GTF3A: variants seen among roughly 807,000 people sequenced by gnomAD.
GTF3A encodes the protein transcription factor IIIA.
In GTF3A, 40 loss-of-function variants were observed where a neutral mutation model predicts 37.6. The observed-to-expected ratio is 1.06, with a 90% CI of 0.83 to 1.38. GTF3A has a LOEUF of 1.38. GTF3A is among the 40% of genes most tolerant of loss of function. The pLI, the probability that GTF3A is intolerant of heterozygous loss-of-function variation, is 0.00. For missense variants in GTF3A, 500 were observed against 462.6 expected (o/e 1.08, Z -0.74); for synonymous variants, 191 against 166.7 (o/e 1.15, Z -1.12).
chr13:27,432,831 C>G lies in GTF3A; in HGVS notation c.562+27C>G, dbSNP rs749768325. 5 of 1,568,488 alleles carry G rather than the reference C, an allele frequency of 3.2e-6. No individual in the cohort carries two copies. The South Asian group carries it at 5.8e-5, about 18-fold the overall frequency. ...TGTGTACGGATAGCCTGGGTGTGCT[C>G]CGAGGGGGATGCCAAATCCTGGGCG... is the stretch of plus-strand genomic sequence containing the variant. On this transcript the variant is annotated intron_variant, in intron 5 of 8. Coordinates refer to ENST00000381140, the MANE Select transcript of GTF3A (RefSeq NM_002097.3).
intron 2 of GTF3A, among the ~76,000 whole-genome samples, chr13:27,427,663 AGCTAGGG>A (rs1264991393): frequency 6.6e-6 from 1 of 152,132 alleles, no homozygotes; most frequent in Non-Finnish European, 1.5e-5. Flanking sequence ...TGTGTAAAAA[AGCTAGGG>A]GGTAGGGGGA....
chr13:27,427,474 GGCTGA>G (rs1341132190), intron 2 of GTF3A, among the ~76,000 whole-genome samples: 3 of 152,114 alleles, frequency 2.0e-5, no homozygotes, highest in Non-Finnish European at 2.9e-5. Context: ...CTACCCAGGA[GGCTGA>G]GCTAACATAA....
intron 6 of GTF3A, 157 bp from the exon 7 acceptor site, chr13:27,434,648 T>C (rs2138030433): frequency 1.7e-6 from 1 of 591,778 alleles, no homozygotes; most frequent in Non-Finnish European, 3.0e-6. Flanking sequence ...ACAAACTTCC[T>C]AGGTGATAAA....
chr13:27,428,411 C>T (rs915599732), intron 2 of GTF3A, among the ~76,000 whole-genome samples: 4 of 152,314 alleles, frequency 2.6e-5, no homozygotes, highest in African/African-American at 9.6e-5. Flanking sequence ...AGTGCCCTCC[C>T]GTGTGCTTCC....
intron 1 of GTF3A, 107 bp from the exon 2 acceptor site, chr13:27,426,985 C>T (rs1953609942): frequency 1.1e-5 from 7 of 660,764 alleles, no homozygotes; most frequent in Admixed American, 4.6e-5. Context: ...GAAACCACCT[C>T]TTCATAGGAA....
At chr13:27,432,893 G>A (rs1953670246) in intron 5 of GTF3A, 89 bp downstream of exon 5, 2 of 1,087,132 alleles carry the variant, frequency 1.8e-6, no homozygotes, top group Non-Finnish European at 2.8e-6. Flanking sequence ...TGAAAAGATG[G>A]GAACCCTGTG....
At chr13:27,428,336 C>T (rs1470806616) in intron 2 of GTF3A, among the ~76,000 whole-genome samples, 3 of 152,148 alleles carry the variant, frequency 2.0e-5, no homozygotes, top group Non-Finnish European at 4.4e-5. Context: ...GATCCAGCAG[C>T]CACTGTCTTA....
chr13:27,434,870 A>T lies in GTF3A; in HGVS notation c.709A>T (p.Lys237Ter). ...CAAAGATTACCTTAAGCAACACATGAAAACTCATGCCCCAGAAAGGGATGT... is the reference window on the plus strand; with the variant it reads ...CAAAGATTACCTTAAGCAACACATGTAAACTCATGCCCCAGAAAGGGATGT... Residue 237 changes from lysine (K) to a stop codon, truncating the protein, a stop_gained, in exon 7 of 9, where the codon AAA (lysine) becomes TAA (stop). Coordinates refer to ENST00000381140, the MANE Select transcript of GTF3A (RefSeq NM_002097.3). LOFTEE classifies it high-confidence loss of function. 1 of 1,613,586 alleles carries T rather than the reference A, an allele frequency of 6.2e-7. No homozygotes were observed. Among genetic ancestry groups the T allele is most frequent in the Non-Finnish European group, 8.5e-7 (1 of 1,179,484 alleles).
At position 27,429,946 on chromosome 13, in the gene GTF3A, A is replaced by T; in HGVS notation, c.379A>T (p.Asn127Tyr). 6.6e-7 allele frequency: 1 copy of T among 1,522,352 alleles called. No homozygotes were observed. The highest frequency in any genetic ancestry group is 8.8e-7 in the Non-Finnish European group (1 of 1,130,410). 94.3% of individuals were successfully genotyped at this position (1,522,352 alleles called of 1,614,324 possible). ...GAAACATTTTGAACGCAAACATGAA[A>T]ATCAACAAAAACAATATATAGTAAG... The change falls in exon 3 of 9, where the codon AAT (asparagine) becomes TAT (tyrosine). Residue 127 changes from asparagine to tyrosine, a missense_variant. By Grantham distance (143) the Asn-to-Tyr change is moderately radical. Transcript: ENST00000381140.
At chr13:27,434,772 A>C in intron 6 of GTF3A, 33 bp from the exon 7 acceptor site, 1 of 1,313,504 alleles carries the variant, frequency 7.6e-7, no homozygotes, top group Admixed American at 1.9e-5. Context: ...ATATCTGGGG[A>C]AATTTGTGAA....
In GTF3A at chr13:27,435,187, C is replaced by G; in HGVS notation, c.928C>G (p.Leu310Val). 6.3e-7 allele frequency: 1 copy of G among 1,597,152 alleles called. No homozygotes were observed. Residue 310 changes from leucine to valine, a missense_variant, in exon 8 of 9, where the codon CTC becomes GTC. Transcript: ENST00000381140. ...TGATCCTGACAAGAAGAAAATGAAG[C>G]TCAAAGTAAGTTGAAACTACTTAGG...
chr13:27,429,742 G>A (rs1291824627), intron 2 of GTF3A, 128 bp from the exon 3 acceptor site: 4 of 540,230 alleles, frequency 7.4e-6, no homozygotes, highest in Middle Eastern at 9.2e-4. Context: ...TCTGGAATTC[G>A]CTAAGACTAT....
intron 1 of GTF3A, chr13:27,425,388 C>A (rs1161845716): frequency 6.3e-6 from 1 of 158,538 alleles, no homozygotes; most frequent in Non-Finnish European, 1.4e-5. Flanking sequence ...TTTCTGCTGC[C>A]ATGGACCTTT....
rs1490513735 is a variant in GTF3A at position 27,435,509 on chromosome 13, A to G, written c.1010A>G (p.Gln337Arg). 6.2e-7 allele frequency: 1 copy of G among 1,613,472 alleles called. No homozygotes were observed. Among genetic ancestry groups the G allele is most frequent in the East Asian group, 2.2e-5 (1 of 44,878 alleles). The change falls in exon 9 of 9, where the codon CAA becomes CGA. Residue 337 changes from glutamine to arginine, a missense_variant. Coordinates refer to ENST00000381140, the MANE Select transcript of GTF3A (RefSeq NM_002097.3). ...ATCCCTCCCAAAAGGAAACAAGGGC[A>G]AGGCTTATCTTTGTGTCAAAACGGA...
rs1184295062 is a variant in GTF3A, at chr13:27,429,958, CAA to C, written c.392_393del (p.Gln131LeufsTer6). On this transcript the variant is annotated frameshift_variant, in exon 3 of 9. Transcript: ENST00000381140. LOFTEE classifies it high-confidence loss of function. ...ACGCAAACATGAAAATCAACAAAAACAATATATAGTAAGTATGATTTTATATG... is the reference window on the plus strand; with the variant it reads ...ACGCAAACATGAAAATCAACAAAAACTATATAGTAAGTATGATTTTATATG... The C allele has an allele frequency of 6.8e-7, 1 of 1,476,324 alleles. No homozygotes were observed. The highest frequency in any genetic ancestry group is 9.2e-7 in the Non-Finnish European group (1 of 1,091,952). The allele number at this position is 1,476,324 out of a possible 1,614,324, so 91.5% of individuals were successfully genotyped here. A position where few individuals can be genotyped will look rare whatever the true frequency, so the allele number is the denominator to read the frequency against.
rs773378778 is a variant in GTF3A at position 27,432,783 on chromosome 13, C to T, written c.541C>T (p.Arg181Ter). ...CTTTGCATCACCCAGCAAGCTGAAA[C>T]GACATGCCAAGGCCCACGAGGGTGT... Residue 181 changes from arginine to a stop codon, truncating the protein, a stop_gained, in exon 5 of 9, where the codon CGA becomes TGA. Coordinates refer to ENST00000381140, the MANE Select transcript of GTF3A (RefSeq NM_002097.3). LOFTEE classifies it high-confidence loss of function. 6.2e-6 allele frequency: 10 copies of T among 1,604,830 alleles called. No individual in the cohort carries two copies. Among genetic ancestry groups the T allele is most frequent in the South Asian group, 2.2e-5 (2 of 89,046 alleles).
intron 1 of GTF3A, chr13:27,425,215 G>T: frequency 2.4e-6 from 1 of 415,880 alleles, no homozygotes; most frequent in African/African-American, 2.1e-5. Flanking sequence ...ATAAGTGTGA[G>T]GTTTGAGGGG....
chr13:27,435,405 T>G, intron 8 of GTF3A, 28 bp from the exon 9 acceptor site: 1 of 1,601,006 alleles, frequency 6.2e-7, no homozygotes, highest in African/African-American at 1.3e-5. Flanking sequence ...TTTTGAATTC[T>G]AATCGTGTGT....
chr13:27,430,601 T>G lies in GTF3A; in HGVS notation c.468T>G (p.His156Gln). The G allele has an allele frequency of 6.2e-7, 1 of 1,609,192 alleles. No individual in the cohort carries two copies. The highest frequency in any genetic ancestry group is 1.3e-5 in the African/African-American group (1 of 74,974). ...AGCTGAAAATCCATCAGTGCCAGCA[T>G]ACCAATGAACCTCTATTCAAGTAGG... is the stretch of plus-strand genomic sequence containing the variant. The change falls in exon 4 of 9, where the codon CAT becomes CAG. Residue 156 changes from histidine (H) to glutamine (Q), a missense_variant. His to Gln is a conservative substitution (Grantham distance 24). Transcript: ENST00000381140.
Sources: allele counts gnomAD v4.1 joint callset (sites outside exome capture counted in the v4.1 genomes callset), GRCh38; gene constraint gnomAD v4.1.1; transcripts MANE v1.5; gene names NCBI Gene and HGNC (gene_info 2026-07-23, HGNC 2026-07-21).